PIEZO1: variants seen among roughly 807,000 people sequenced by gnomAD.
PIEZO1 encodes piezo-type mechanosensitive ion channel component 1.
In PIEZO1, 296 loss-of-function variants were observed where a neutral mutation model predicts 297.2. The ratio of observed to expected loss-of-function variants is 1.00; its 90% confidence interval spans 0.91 to 1.10. PIEZO1 has a LOEUF of 1.10. PIEZO1 is among the 50% of genes least tolerant of loss of function. The pLI, the probability that PIEZO1 is intolerant of heterozygous loss-of-function variation, is 0.00. For missense variants in PIEZO1, 5,018 were observed against 3,455.5 expected (o/e 1.45, Z -11.34); for synonymous variants, 2,427 against 1,507.5 (o/e 1.61, Z -14.13).
intron 1 of PIEZO1, among the ~76,000 whole-genome samples, chr16:88,756,385 G>A (rs1336668004): frequency 2.6e-5 from 4 of 152,170 alleles, no homozygotes; most frequent in Admixed American, 6.5e-5. Context: ...CTGATGGGGC[G>A]GGGTGGGCTA....
In PIEZO1 at chr16:88,732,511, G is replaced by T. The variant is rs201226914; in HGVS notation, c.2815C>A (p.Leu939Met). ...CGGTACACGATGGCCTCGAATACCA[G>T]CAGCAGCAGCACTTGCAGGTGGTTC... is the stretch of plus-strand genomic sequence containing the variant. ...IQNHLQVLLL[L>M]VFEAIVYRRQ... is the part of the protein sequence containing the mutation. Residue 939 changes from leucine (L) to methionine (M), a missense_variant, in exon 21 of 51, where the codon CTG (leucine) becomes ATG (methionine). Transcript: ENST00000301015. 1.4e-3 allele frequency: 2,099 copies of T among 1,544,924 alleles called. 5 individuals are homozygous for T. Among genetic ancestry groups the T allele is most frequent in the South Asian group, 2.0e-3 (170 of 83,872 alleles).
intron 5 of PIEZO1, 73 bp downstream of exon 5, chr16:88,741,405 T>C: frequency 3.1e-6 from 4 of 1,309,576 alleles, no homozygotes; most frequent in Non-Finnish European, 4.1e-6. Flanking sequence ...AAGATTAAAA[T>C]AACCCTCAAA....
At chr16:88,766,781 G>C (rs1339472260) in intron 1 of PIEZO1, among the ~76,000 whole-genome samples, 1 of 152,230 alleles carries the variant, frequency 6.6e-6, no homozygotes, top group Non-Finnish European at 1.5e-5. Context: ...AGGATCACCA[G>C]CCCCAGAACG....
Position 88,739,052 on chromosome 16 carries a change from G to A in PIEZO1, c.466-316C>T, listed in dbSNP as rs965787625. 1.3e-5 allele frequency: 5 copies of A among 394,676 alleles called. No homozygotes were observed. In the Admixed American group the frequency reaches 1.7e-4, roughly 13 times the overall value. The allele number at this position is 394,676 out of a possible 1,614,324, so 24.4% of individuals were successfully genotyped here. ...GCCAGGTACAGACAGACCACAGACTGTCCTATACCACCTCATCTCCCCGAA... is the reference window on the plus strand; with the variant it reads ...GCCAGGTACAGACAGACCACAGACTATCCTATACCACCTCATCTCCCCGAA... On this transcript the variant is annotated intron_variant, in intron 5 of 50. Coordinates refer to ENST00000301015, the MANE Select transcript of PIEZO1 (RefSeq NM_001142864.4).
chr16:88,757,487 G>A (rs377549669), intron 1 of PIEZO1, among the ~76,000 whole-genome samples: 4 of 151,904 alleles, frequency 2.6e-5, no homozygotes, highest in African/African-American at 9.7e-5. Flanking sequence ...AGAGGGACAG[G>A]TGCTTGAACA....
At chr16:88,736,547 G>T in intron 11 of PIEZO1, 92 bp downstream of exon 11, 1 of 707,618 alleles carries the variant, frequency 1.4e-6, no homozygotes, top group Middle Eastern at 4.1e-4. Flanking sequence ...GGCAGAGGGG[G>T]CTGCACAGCT....
At chr16:88,727,477 G>A (rs946843569) in intron 23 of PIEZO1, 80 bp downstream of exon 23, 16 of 668,212 alleles carry the variant, frequency 2.4e-5, no homozygotes, top group Middle Eastern at 2.5e-4. Flanking sequence ...ACGCCTGTGT[G>A]CACACTTGTG....
intron 1 of PIEZO1, among the ~76,000 whole-genome samples, chr16:88,753,242 CCCCAGAGCGCACCCAGCCCCCCAGAG>C: frequency 3.1e-5 from 2 of 63,670 alleles, no homozygotes; most frequent in Non-Finnish European, 6.1e-5. Flanking sequence ...ACACCAGCCC[CCCCAGAGCGCACCCAGCCCCCCAGAG>C]CTCACCCGCC....
At position 88,726,299 on chromosome 16, in the gene PIEZO1, G is replaced by A. The variant is rs1904424657; in HGVS notation, c.3953C>T (p.Ala1318Val). The A allele has an allele frequency of 6.5e-7, 1 of 1,549,316 alleles. No individual in the cohort carries two copies. Among genetic ancestry groups the A allele is most frequent in the Non-Finnish European group, 8.7e-7 (1 of 1,146,488 alleles). The change falls in exon 27 of 51, where the codon GCC becomes GTC. Residue 1318 changes from alanine to valine, a missense_variant. Coordinates refer to ENST00000301015, the MANE Select transcript of PIEZO1 (RefSeq NM_001142864.4). ...LHVRADLQAT[A>V]LLASRGFALY... ...CCAAGCTTGCCTGGAGGCTAGCAGG[G>A]CGGTGGCCTGGAGGTCGGCCCTGAC...
At position 88,731,895 on chromosome 16, in the gene PIEZO1, C is replaced by T; in HGVS notation, c.3007G>A (p.Ala1003Thr). ...KFGLEICFLMAVNVIGQRMNF... is the reference protein window; with the variant it reads ...KFGLEICFLMTVNVIGQRMNF... ...ATGCGCTGCCCGATCACGTTCACGGCCATCAGGAAGCAGATCTGGGGAGGG... is the reference window on the plus strand; with the variant it reads ...ATGCGCTGCCCGATCACGTTCACGGTCATCAGGAAGCAGATCTGGGGAGGG... The change falls in exon 22 of 51, where the codon GCC becomes ACC. Residue 1003 changes from alanine to threonine, a missense_variant. By Grantham distance (58) the Ala-to-Thr change is moderately conservative. Coordinates refer to ENST00000301015, the MANE Select transcript of PIEZO1 (RefSeq NM_001142864.4). The T allele has an allele frequency of 2.5e-6, 1 of 403,280 alleles. No individual in the cohort carries two copies. The highest frequency in any genetic ancestry group is 4.5e-4 in the Middle Eastern group (1 of 2,234). 25.0% of individuals were successfully genotyped at this position (403,280 alleles called of 1,614,324 possible). A position where few individuals can be genotyped will look rare whatever the true frequency, so the allele number is the denominator to read the frequency against.
rs917554893 is a variant in PIEZO1, at chr16:88,716,025, C to T, written c.7224G>A (p.Leu2408=). Residue 2408 remains leucine (L), a synonymous_variant, in exon 50 of 51, where the codon CTG becomes CTA. Transcript: ENST00000301015. ...GGTTGCAGTCGGTCCGGCACTCCTG[C>T]AGCTCGATGACCCACCATTCGAGGA... is the stretch of plus-strand genomic sequence containing the variant. ...TGFLEWWVIE[L]QECRTDCNLL... 2 of 1,550,242 alleles carry T rather than the reference C, an allele frequency of 1.3e-6. No individual in the cohort carries two copies. Among genetic ancestry groups the T allele is most frequent in the South Asian group, 1.2e-5 (1 of 84,068 alleles).
At chr16:88,728,271 G>T (rs925726345) in intron 22 of PIEZO1, among the ~76,000 whole-genome samples, 1 of 152,268 alleles carries the variant, frequency 6.6e-6, no homozygotes, top group East Asian at 1.9e-4. Flanking sequence ...ACACTTCCTG[G>T]GAGGCGTGTG....
chr16:88,758,059 G>A (rs1906760604), intron 1 of PIEZO1, among the ~76,000 whole-genome samples: 1 of 152,134 alleles, frequency 6.6e-6, no homozygotes, highest in Admixed American at 6.5e-5. Context: ...GCCCTCCGGG[G>A]TTGGGGACAG....
chr16:88,716,002 T>G lies in PIEZO1; in HGVS notation c.7247A>C (p.Asn2416Thr). ...ACTGAAAATGACCATGGGCAGCAGG[T>G]TGCAGTCGGTCCGGCACTCCTGCAG... Reference protein sequence around the residue: ...IELQECRTDCNLLPMVIFSDK... With the variant: ...IELQECRTDCTLLPMVIFSDK... The change falls in exon 50 of 51, where the codon AAC becomes ACC. Residue 2416 changes from asparagine (N) to threonine (T), a missense_variant. Asn to Thr is a moderately conservative substitution (Grantham distance 65). Transcript: ENST00000301015. 3.2e-6 allele frequency: 5 copies of G among 1,550,164 alleles called. No homozygotes were observed. The highest frequency in any genetic ancestry group is 4.4e-6 in the Non-Finnish European group (5 of 1,146,894).
intron 2 of PIEZO1, among the ~76,000 whole-genome samples, chr16:88,746,165 C>T (rs74033389): frequency 0.017 from 2,541 of 152,202 alleles, 75 homozygotes; most frequent in African/African-American, 0.058. Flanking sequence ...GGCTGAGCTG[C>T]GGGGTAGGGC....
chr16:88,720,057 G>T lies in PIEZO1; in HGVS notation c.6164+12C>A. ...GCCCCTGGAGACCGAGCGCCCCCAC[G>T]CGTGGGCCCACCTCTCAGTGACGGC... is the stretch of plus-strand genomic sequence containing the variant. On this transcript the variant is annotated intron_variant, in intron 42 of 50. Coordinates refer to ENST00000301015, the MANE Select transcript of PIEZO1 (RefSeq NM_001142864.4). 6.5e-7 allele frequency: 1 copy of T among 1,550,006 alleles called. No individual in the cohort carries two copies. Among genetic ancestry groups the T allele is most frequent in the Non-Finnish European group, 8.7e-7 (1 of 1,146,770 alleles).
chr16:88,748,626 G>A (rs2142860970), intron 2 of PIEZO1, among the ~76,000 whole-genome samples: 1 of 152,176 alleles, frequency 6.6e-6, no homozygotes, highest in East Asian at 1.9e-4. Context: ...GGAGCCTGCA[G>A]AGAGTGGGCA....
intron 1 of PIEZO1, among the ~76,000 whole-genome samples, chr16:88,770,890 C>T (rs8052370): frequency 0.53 from 80,208 of 152,150 alleles, 22,129 homozygotes; most frequent in Middle Eastern, 0.65. Context: ...GGGGCTTGGG[C>T]GAGGAGCTCT....
chr16:88,729,904 C>A (rs1260483186), intron 22 of PIEZO1, among the ~76,000 whole-genome samples: 4 of 152,248 alleles, frequency 2.6e-5, no homozygotes, highest in African/African-American at 9.6e-5. Context: ...CAGAGGGAAC[C>A]TCACGATACA....
Sources: allele counts gnomAD v4.1 joint callset (sites outside exome capture counted in the v4.1 genomes callset), GRCh38; gene constraint gnomAD v4.1.1; transcripts MANE v1.5; gene names NCBI Gene and HGNC (gene_info 2026-07-23, HGNC 2026-07-21).